Variants in CTNND2 observed in about 807,000 individuals in gnomAD.
CTNND2 encodes catenin delta 2, also known as catenin delta-2.
In CTNND2, 22 loss-of-function variants were observed where a neutral mutation model predicts 144.4. The observed-to-expected ratio is 0.15, with a 90% confidence interval of 0.11 to 0.22. The LOEUF (loss-of-function observed/expected upper bound fraction) is 0.22, where lower values mean the gene tolerates loss of function less well. CTNND2 is among the 10% of genes least tolerant of loss of function. The pLI is 1.00. For synonymous variants in CTNND2, 751 were observed against 695.6 expected, an observed-to-expected ratio of 1.08 and a Z score of -1.25; for missense variants, 1,353 against 1,618.8, an observed-to-expected ratio of 0.84 and a Z score of 2.82.
At chr5:11,448,933 G>A (rs1765078464) in intron 3 of CTNND2, among the ~76,000 whole-genome samples, 1 of 151,906 alleles carries the variant, frequency 6.6e-6, no homozygotes, top group South Asian at 2.1e-4. Flanking sequence ...GAATTCTGGG[G>A]CTCAAGTGAT....
chr5:11,498,398 A>G (rs1770197190), intron 3 of CTNND2, among the ~76,000 whole-genome samples: 1 of 152,156 alleles, frequency 6.6e-6, no homozygotes, highest in Admixed American at 6.5e-5. Flanking sequence ...CTACTAAAAG[A>G]TGGCTTGTTA....
chr5:11,665,354 T>C (rs1029888188), intron 2 of CTNND2, among the ~76,000 whole-genome samples: 1 of 152,074 alleles, frequency 6.6e-6, no homozygotes, highest in Non-Finnish European at 1.5e-5. Flanking sequence ...CATTACAGAG[T>C]TGTGGTACTG....
chr5:11,816,207 T>C (rs1185351698), intron 1 of CTNND2, among the ~76,000 whole-genome samples: 1 of 152,160 alleles, frequency 6.6e-6, no homozygotes, highest in African/African-American at 2.4e-5. Flanking sequence ...AGGATGTGAA[T>C]AGATTACGTA....
chr5:11,405,578 TAA>T (rs78929620), intron 5 of CTNND2, among the ~76,000 whole-genome samples: 1 of 145,058 alleles, frequency 6.9e-6, no homozygotes, highest in Non-Finnish European at 1.5e-5. Context: ...AGGACTCCGT[TAA>T]AAAAAAAAAG....
In CTNND2 at chr5:11,367,277, A is replaced by C. The variant is rs150842667; in HGVS notation, c.1178-2387T>G. Among the ~76,000 whole-genome samples, 516 of 152,332 alleles carry C rather than the reference A, an allele frequency of 3.4e-3. 1 individual carries two copies. Among genetic ancestry groups the C allele is most frequent in the African/African-American group, 0.012 (482 of 41,568 alleles). ...GGGCACAGTTATTGGCAAGAGAGAC[A>C]CAGAGAACTATGGGAAAGAAAAGGG... On this transcript the variant is annotated intron_variant, in intron 7 of 21. Transcript: ENST00000304623.
At chr5:11,103,693 C>A (rs193253439) in intron 14 of CTNND2, among the ~76,000 whole-genome samples, 5 of 150,770 alleles carry the variant, frequency 3.3e-5, no homozygotes, top group East Asian at 2.0e-4. Flanking sequence ...AACAAAAAAA[C>A]CCCTGAAAGT....
intron 9 of CTNND2, among the ~76,000 whole-genome samples, chr5:11,305,265 C>T (rs888563269): frequency 5.3e-5 from 8 of 152,164 alleles, no homozygotes; most frequent in African/African-American, 1.9e-4. Flanking sequence ...AAGTGGATTC[C>T]CCAGGATCGC....
intron 8 of CTNND2, among the ~76,000 whole-genome samples, chr5:11,356,314 A>G (rs984476041): frequency 6.6e-6 from 1 of 152,200 alleles, no homozygotes; most frequent in African/African-American, 2.4e-5. Flanking sequence ...ACAAAGCTAC[A>G]GTAACCAAAA....
chr5:11,018,637 T>C (rs943643933), intron 17 of CTNND2, among the ~76,000 whole-genome samples: 1 of 152,018 alleles, frequency 6.6e-6, no homozygotes, highest in Non-Finnish European at 1.5e-5. Context: ...TTTGAGTGGT[T>C]TGGATAAAAG....
intron 16 of CTNND2, among the ~76,000 whole-genome samples, chr5:11,073,300 T>A (rs1442499947): frequency 6.6e-6 from 1 of 152,236 alleles, no homozygotes; most frequent in Admixed American, 6.5e-5. Context: ...GCTGTGGTAT[T>A]TGAGGAGAGC....
chr5:11,479,003 TA>T (rs536355771), intron 3 of CTNND2, among the ~76,000 whole-genome samples: 1 of 152,122 alleles, frequency 6.6e-6, no homozygotes, highest in African/African-American at 2.4e-5. Context: ...TAATTTAACT[TA>T]AAAAAAATTA....
chr5:10,995,722 G>C (rs915926581), intron 18 of CTNND2, among the ~76,000 whole-genome samples: 13 of 152,080 alleles, frequency 8.5e-5, no homozygotes, highest in Non-Finnish European at 1.6e-4. Context: ...AGGAGAGAAA[G>C]GGAAAAATGG....
At chr5:11,207,240 G>A (rs1303301158) in intron 10 of CTNND2, among the ~76,000 whole-genome samples, 1 of 152,090 alleles carries the variant, frequency 6.6e-6, no homozygotes, top group African/African-American at 2.4e-5. Context: ...CTGTTGGGGG[G>A]TGTGGGGCTT....
chr5:11,374,182 AG>A (rs1352953149), intron 7 of CTNND2, among the ~76,000 whole-genome samples: 7 of 152,182 alleles, frequency 4.6e-5, no homozygotes, highest in Non-Finnish European at 1.0e-4. Context: ...AAAGACCCCT[AG>A]AAAGACTCTA....
intron 6 of CTNND2, among the ~76,000 whole-genome samples, chr5:11,387,504 C>T (rs1257692123): frequency 6.6e-6 from 1 of 152,146 alleles, no homozygotes; most frequent in Non-Finnish European, 1.5e-5. Flanking sequence ...AAGCTGCAGA[C>T]ATTTTTCTTC....
intron 3 of CTNND2, among the ~76,000 whole-genome samples, chr5:11,519,244 A>T (rs775530766): frequency 6.6e-6 from 1 of 152,190 alleles, no homozygotes; most frequent in African/African-American, 2.4e-5. Flanking sequence ...TTCTTTTTAA[A>T]GCAAAACTTT....
chr5:11,282,609 T>C (rs149152496), intron 9 of CTNND2, among the ~76,000 whole-genome samples: 1 of 152,322 alleles, frequency 6.6e-6, no homozygotes, highest in Non-Finnish European at 1.5e-5. Context: ...TTTGTCTTCC[T>C]GTAGATGCTA....
At chr5:11,240,981 GCACACACACCCAACACACACACCAAA>G (rs1344187189) in intron 9 of CTNND2, among the ~76,000 whole-genome samples, 1 of 113,300 alleles carries the variant, frequency 8.8e-6, no homozygotes, top group Non-Finnish European at 1.8e-5. Flanking sequence ...CCCACATCAT[GCACACACACCCAACACACACACCAAA>G]CACACACACC....
chr5:11,484,748 C>G (rs533502051), intron 3 of CTNND2, among the ~76,000 whole-genome samples: 3 of 152,234 alleles, frequency 2.0e-5, no homozygotes, highest in South Asian at 2.1e-4. Flanking sequence ...ATTAAACCAT[C>G]AAATTATCCT....
Sources: allele counts gnomAD v4.1 joint callset (sites outside exome capture counted in the v4.1 genomes callset), GRCh38; gene constraint gnomAD v4.1.1; transcripts MANE v1.5; gene names NCBI Gene and HGNC (gene_info 2026-07-23, HGNC 2026-07-21).